The following EXOC3L4 variants were observed in gnomAD, a reference collection of about 807,000 sequenced individuals.
EXOC3L4 encodes the protein exocyst complex component 3 like 4.
In EXOC3L4, 62 loss-of-function variants were observed where a neutral mutation model predicts 69.7. The observed-to-expected ratio is 0.89, with a 90% confidence interval of 0.72 to 1.10. The LOEUF (loss-of-function observed/expected upper bound fraction) is 1.10. Ranked by LOEUF, EXOC3L4 falls within the 50% of genes least tolerant of loss-of-function variation. The probability of loss-of-function intolerance (pLI) is 0.00; values close to 1 mark genes in which losing one functional copy is unlikely to be tolerated. For missense variants in EXOC3L4, 1,087 were observed against 1,034.8 expected (o/e 1.05, Z -0.69); for synonymous variants, 502 against 464.2 (o/e 1.08, Z -1.05).
At chr14:103,104,169 C>G in intron 4 of EXOC3L4, 98 bp from the exon 5 acceptor site, 2 of 1,445,102 alleles carry the variant, frequency 1.4e-6, no homozygotes, top group Non-Finnish European at 9.1e-7. Context: ...CTGTGGCCCC[C>G]GGCGCGGGCT....
chr14:103,107,450 G>GA lies in EXOC3L4; in HGVS notation c.1608_1609insA (p.Asp537ArgfsTer98), dbSNP rs1039995635. 2.5e-6 allele frequency: 4 copies of GA among 1,613,900 alleles called. No individual in the cohort carries two copies. Among genetic ancestry groups the GA allele is most frequent in the Non-Finnish European group, 3.4e-6 (4 of 1,180,020 alleles). On this transcript the variant is annotated frameshift_variant, in exon 9 of 12. Coordinates refer to ENST00000688303, the MANE Select transcript of EXOC3L4 (RefSeq NM_001077594.2). LOFTEE classifies it high-confidence loss of function. ...CGCTCTTCAGGGTTGTGTGCACCAG[G>GA]GACTGGCTGACGCAGGACTGGCTGC...
chr14:103,105,380 GTGTT>G (rs1242188113), intron 7 of EXOC3L4, among the ~76,000 whole-genome samples: 2 of 152,042 alleles, frequency 1.3e-5, no homozygotes, highest in African/African-American at 4.8e-5. Flanking sequence ...GTGTGTGTGT[GTGTT>G]GGAGCTAAGA....
Position 103,102,256 on chromosome 14 carries a change from G to A in EXOC3L4, c.533G>A (p.Arg178His), listed in dbSNP as rs746720938. ...FEQDPTAFAR[R>H]AMDVCLLYDG... The stretch of plus-strand genomic sequence containing the variant: ...CAGGACCCTACGGCCTTCGCGCGGC[G>A]CGCTATGGACGTGTGCCTGCTTTAC... The change falls in exon 3 of 12, where the codon CGC (arginine) becomes CAC (histidine). Residue 178 changes from arginine (R) to histidine (H), a missense_variant. Transcript: ENST00000688303. 1.3e-6 allele frequency: 2 copies of A among 1,587,004 alleles called. No individual in the cohort carries two copies. Among genetic ancestry groups the A allele is most frequent in the Non-Finnish European group, 8.6e-7 (1 of 1,168,782 alleles).
In EXOC3L4 at chr14:103,110,452, T is replaced by G. The variant is rs928884694; in HGVS notation, c.*229T>G. 1.3e-5 allele frequency: 8 copies of G among 621,168 alleles called. No individual in the cohort carries two copies. The highest frequency in any genetic ancestry group is 3.1e-5 in the East Asian group (1 of 32,082). 38.5% of individuals were successfully genotyped at this position (621,168 alleles called of 1,614,324 possible). The stretch of plus-strand genomic sequence containing the variant: ...TGTTTTGGGGCCGCAGAGCTCTCAA[T>G]GCTGCCTATCGGGCGGGGGGGGGCC... On this transcript the variant is annotated 3_prime_UTR_variant, in exon 12 of 12. Coordinates refer to ENST00000688303, the MANE Select transcript of EXOC3L4 (RefSeq NM_001077594.2).
chr14:103,104,982 C>T lies in EXOC3L4; in HGVS notation c.1386-10C>T, dbSNP rs372989603. ...GAGGGTCCCCAAAGGCTCTGTGTAT[C>T]CCGCCCCAGGTTTGAAAAGGCTTTT... On this transcript the variant is annotated splice_polypyrimidine_tract_variant and intron_variant, in intron 6 of 11. Transcript: ENST00000688303. The T allele has an allele frequency of 3.1e-6, 5 of 1,611,188 alleles. No individual in the cohort carries two copies. The highest frequency in any genetic ancestry group is 4.2e-6 in the Non-Finnish European group (5 of 1,177,986).
rs56362121 is a variant in EXOC3L4, at chr14:103,096,401, C to CTTT, written c.-17+1570_-17+1572dup. Among the ~76,000 whole-genome samples the CTTT allele has an allele frequency of 1.3e-3, 178 of 131,938 alleles. 4 individuals are homozygous for CTTT. Among genetic ancestry groups the CTTT allele is most frequent in the Middle Eastern group, 8.1e-3 (2 of 246 alleles). The allele number at this position is 131,938 out of a possible 152,430, so 86.6% of individuals were successfully genotyped here. A position where few individuals can be genotyped will look rare whatever the true frequency, so the allele number is the denominator to read the frequency against. The stretch of plus-strand genomic sequence containing the variant: ...AGGAGGTTGACGTTTTGGCAAGATT[C>CTTT]TTTTTTTTTTTGCAATTGTAAGATT... On this transcript the variant is annotated intron_variant, in intron 1 of 11. Coordinates refer to ENST00000688303, the MANE Select transcript of EXOC3L4 (RefSeq NM_001077594.2).
At chr14:103,104,240 A>C in intron 4 of EXOC3L4, 27 bp from the exon 5 acceptor site, 1 of 1,551,694 alleles carries the variant, frequency 6.4e-7, no homozygotes, top group South Asian at 1.2e-5. Context: ...GGAGGGTCTC[A>C]CCACGGCCCA....
rs765190649 is a variant in EXOC3L4 at position 103,106,232 on chromosome 14, C to T, written c.1467-553C>T. Among the ~76,000 whole-genome samples the T allele has an allele frequency of 1.1e-3, 162 of 152,352 alleles. 1 individual carries two copies. Among genetic ancestry groups the T allele is most frequent in the Non-Finnish European group, 1.4e-3 (98 of 68,036 alleles). On this transcript the variant is annotated intron_variant, in intron 7 of 11. Transcript: ENST00000688303. ...AGGCCTGCCTAAATCCAAAGCATGACCATCAGGCACTGCTTCTCCAACACT... is the reference window on the plus strand; with the variant it reads ...AGGCCTGCCTAAATCCAAAGCATGATCATCAGGCACTGCTTCTCCAACACT...
At position 103,102,707 on chromosome 14, in the gene EXOC3L4, G is replaced by A. The variant is rs1171078808; in HGVS notation, c.984G>A (p.Ala328=). ...TGGCCCAGCGCCTCCAGGAGCTCGC[G>A]CGCGACGCCCGCGGCTGCGAGCAGC... ...SAVAQRLQEL[A]RDARGCEQLY... is the part of the protein sequence containing the mutation. Residue 328 remains alanine (A), a synonymous_variant, in exon 3 of 12, where the codon GCG becomes GCA. Transcript: ENST00000688303. The A allele has an allele frequency of 1.4e-5, 20 of 1,462,992 alleles. No individual in the cohort carries two copies. Among genetic ancestry groups the A allele is most frequent in the Non-Finnish European group, 1.6e-5 (18 of 1,111,896 alleles). 90.6% of individuals were successfully genotyped at this position (1,462,992 alleles called of 1,614,324 possible). A position where few individuals can be genotyped will look rare whatever the true frequency, so the allele number is the denominator to read the frequency against.
rs1447670348 is a variant in EXOC3L4, at chr14:103,104,061, G to A, written c.1161+9G>A. 3.2e-6 allele frequency: 5 copies of A among 1,548,358 alleles called. No individual in the cohort carries two copies. The highest frequency in any genetic ancestry group is 1.4e-5 in the African/African-American group (1 of 72,408). ...ACACCAGCTTCCTGGAGGTCAGGCC[G>A]GGCGGGTCAGGCTGGGCGGGCCAGG... On this transcript the variant is annotated intron_variant, in intron 4 of 11. Transcript: ENST00000688303.
At chr14:103,105,824 T>A (rs1244390212) in intron 7 of EXOC3L4, among the ~76,000 whole-genome samples, 1 of 152,236 alleles carries the variant, frequency 6.6e-6, no homozygotes, top group Non-Finnish European at 1.5e-5. Context: ...TCTGGGTTTA[T>A]CCTTTTTTAA....
intron 1 of EXOC3L4, among the ~76,000 whole-genome samples, chr14:103,096,884 G>A (rs1039462156): frequency 2.0e-5 from 3 of 152,230 alleles, no homozygotes; most frequent in Non-Finnish European, 4.4e-5. Context: ...GTGATCAGGT[G>A]AAGGTGGATG....
chr14:103,104,573 G>A (rs1283633263), intron 5 of EXOC3L4, 165 bp from the exon 6 acceptor site: 3 of 1,218,684 alleles, frequency 2.5e-6, no homozygotes, highest in African/African-American at 1.6e-5. Context: ...GCTGCTGGAT[G>A]GGAGTTTGCG....
At chr14:103,103,744 T>A (rs1890351722) in intron 3 of EXOC3L4, 197 bp from the exon 4 acceptor site, 2 of 534,050 alleles carry the variant, frequency 3.7e-6, no homozygotes. Flanking sequence ...GGAACCCAGC[T>A]GTCAGAGGCT....
Position 103,102,105 on chromosome 14 carries a change from C to T in EXOC3L4, c.395-13C>T, listed in dbSNP as rs1378546543. 1.3e-6 allele frequency: 2 copies of T among 1,590,826 alleles called. No individual in the cohort carries two copies. Among genetic ancestry groups the T allele is most frequent in the Middle Eastern group, 1.7e-4 (1 of 6,040 alleles). On this transcript the variant is annotated splice_polypyrimidine_tract_variant and intron_variant, in intron 2 of 11. Coordinates refer to ENST00000688303, the MANE Select transcript of EXOC3L4 (RefSeq NM_001077594.2). ...GCGGTCCCTCTCACCGCCCTTCTCG[C>T]CCGCCTGTGCAGAAGGCAAATCCGT...
At chr14:103,107,908 C>G (rs1890662942) in intron 10 of EXOC3L4, 125 bp downstream of exon 10, 1 of 1,366,876 alleles carries the variant, frequency 7.3e-7, no homozygotes, top group Non-Finnish European at 9.7e-7. Flanking sequence ...TCAGGTGGAA[C>G]AGGGACTGGG....
intron 1 of EXOC3L4, among the ~76,000 whole-genome samples, chr14:103,095,848 C>G (rs1292106418): frequency 6.6e-6 from 1 of 152,230 alleles, no homozygotes; most frequent in African/African-American, 2.4e-5. Flanking sequence ...ATTTTCTAAG[C>G]CAACAATCAT....
intron 7 of EXOC3L4, 109 bp from the exon 8 acceptor site, chr14:103,106,676 C>A (rs1025433516): frequency 1.6e-6 from 1 of 641,748 alleles, no homozygotes. Flanking sequence ...GGGAGCCCCA[C>A]GGGCTGCCCT....
chr14:103,105,226 G>GGTGT (rs1297615509), intron 7 of EXOC3L4, among the ~76,000 whole-genome samples, 154 bp downstream of exon 7: 1 of 151,806 alleles, frequency 6.6e-6, no homozygotes, highest in Non-Finnish European at 1.5e-5. Context: ...GGATCTGAGG[G>GGTGT]GTGTGTGTGC....
Sources: gnomAD v4.1 joint callset for allele counts (sites outside exome capture counted in the v4.1 genomes callset) on GRCh38, gnomAD v4.1.1 for gene constraint, MANE v1.5 for transcripts, NCBI Gene and HGNC (gene_info 2026-07-23, HGNC 2026-07-21) for gene names.